The following PDE10A variants were observed in gnomAD, a reference collection of about 807,000 sequenced individuals.
PDE10A encodes the protein cAMP and cAMP-inhibited cGMP 3',5'-cyclic phosphodiesterase 10A.
A neutral mutation model predicts 97.7 loss-of-function variants in PDE10A; 39 were observed. The observed-to-expected ratio is 0.40, with a 90% CI of 0.31 to 0.52. PDE10A has a LOEUF of 0.52. Among genes scored for constraint, PDE10A ranks in the 20% least tolerant of loss-of-function variants. The pLI, the probability that PDE10A is intolerant of heterozygous loss-of-function variation, is 0.56. For synonymous variants in PDE10A, 371 were observed against 376.8 expected, an observed-to-expected ratio of 0.98 and a Z score of 0.18; for missense variants, 731 against 1,047.8, an observed-to-expected ratio of 0.70 and a Z score of 4.17.
At chr6:165,811,194 G>A (rs914350919) in intron 1 of PDE10A, among the ~76,000 whole-genome samples, 12 of 152,200 alleles carry the variant, frequency 7.9e-5, no homozygotes, top group African/African-American at 2.7e-4. Context: ...CTGCACTCCA[G>A]CCTGGGTGAC....
chr6:165,736,381 G>A (rs1792574904), intron 1 of PDE10A, among the ~76,000 whole-genome samples: 1 of 152,152 alleles, frequency 6.6e-6, no homozygotes, highest in African/African-American at 2.4e-5. Flanking sequence ...ATGCATTAAA[G>A]AGGGTAGGAA....
chr6:165,793,135 T>C (rs2128463955), intron 1 of PDE10A, among the ~76,000 whole-genome samples: 1 of 152,248 alleles, frequency 6.6e-6, no homozygotes, highest in Middle Eastern at 3.4e-3. Context: ...GGCCAAGCAT[T>C]GAAACTGGGC....
intron 1 of PDE10A, among the ~76,000 whole-genome samples, chr6:165,855,137 C>G (rs1460690962): frequency 6.6e-6 from 1 of 152,148 alleles, no homozygotes; most frequent in Non-Finnish European, 1.5e-5. Flanking sequence ...GGACTGACCG[C>G]AGACCCGCCC....
intron 20 of PDE10A, among the ~76,000 whole-genome samples, chr6:165,336,448 G>C (rs565581251): frequency 9.9e-5 from 15 of 152,138 alleles, no homozygotes; most frequent in South Asian, 2.1e-4. Flanking sequence ...TATTACAAAG[G>C]TTAATACCTA....
At chr6:165,769,877 A>G (rs1309865438) in intron 1 of PDE10A, among the ~76,000 whole-genome samples, 2 of 152,162 alleles carry the variant, frequency 1.3e-5, no homozygotes, top group Non-Finnish European at 2.9e-5. Flanking sequence ...TAAATTATAC[A>G]ATATAATATC....
chr6:165,503,238 A>G (rs1424479187), intron 2 of PDE10A, among the ~76,000 whole-genome samples: 2 of 152,136 alleles, frequency 1.3e-5, no homozygotes, highest in Non-Finnish European at 2.9e-5. Context: ...TCACAGCCAC[A>G]AACAACTTCA....
intron 1 of PDE10A, among the ~76,000 whole-genome samples, chr6:165,983,420 G>A (rs1056525194): frequency 2.6e-5 from 4 of 152,086 alleles, no homozygotes; most frequent in African/African-American, 9.7e-5. Context: ...TTGGTGGTAG[G>A]GAAGGAGGTG....
In PDE10A at chr6:165,837,967, G is replaced by A. The variant is rs538276622; in HGVS notation, c.-615+149562C>T. Among the ~76,000 whole-genome samples, 76 of 152,294 alleles carry A rather than the reference G, an allele frequency of 5.0e-4. 1 individual carries two copies. Among genetic ancestry groups the A allele is most frequent in the South Asian group, 4.4e-3 (21 of 4,822 alleles). ...CCCAAAGTGCTGGGGTTACAGGCGT[G>A]AGCCACCTATATCTCTCCTGTTTTT... On this transcript the variant is annotated intron_variant, in intron 1 of 19. Coordinates refer to the PDE10A transcript ENST00000366882.
chr6:165,694,954 C>T (rs1377057551), intron 1 of PDE10A, among the ~76,000 whole-genome samples: 1 of 152,168 alleles, frequency 6.6e-6, no homozygotes, highest in Admixed American at 6.5e-5. Context: ...AGGATTTCTC[C>T]TCTCTCCCGC....
intron 15 of PDE10A, 43 bp from the exon 16 acceptor site, chr6:165,392,839 T>C: frequency 6.3e-7 from 1 of 1,590,230 alleles, no homozygotes; most frequent in Non-Finnish European, 8.6e-7. Flanking sequence ...CAGTAGAGAA[T>C]CACTATGTTG....
chr6:165,588,204 TA>T (rs1198106618), intron 1 of PDE10A, among the ~76,000 whole-genome samples: 1 of 151,788 alleles, frequency 6.6e-6, no homozygotes, highest in Non-Finnish European at 1.5e-5. Flanking sequence ...TTTCCCATCT[TA>T]ATATTAGAAA....
chr6:165,815,674 G>T (rs1051484149), intron 1 of PDE10A, among the ~76,000 whole-genome samples: 4 of 152,068 alleles, frequency 2.6e-5, no homozygotes, highest in African/African-American at 4.8e-5. Context: ...TTTTTTTCTG[G>T]TTTTTCCCCC....
At chr6:165,402,801 C>T (rs909535666) in intron 13 of PDE10A, among the ~76,000 whole-genome samples, 45 of 152,118 alleles carry the variant, frequency 3.0e-4, no homozygotes, top group Admixed American at 1.7e-3. Context: ...ACTCAACTGG[C>T]ATACAAAAAT....
At chr6:165,540,632 C>T (rs1442064430) in intron 2 of PDE10A, among the ~76,000 whole-genome samples, 3 of 151,970 alleles carry the variant, frequency 2.0e-5, no homozygotes, top group Admixed American at 2.0e-4. Context: ...TACTTGAGAA[C>T]GGGACTTTCT....
rs1554334699 is a variant in PDE10A, at chr6:165,875,731, G to GTTTTTTTTTGTTTTTTTTTTT, written c.-615+111797_-615+111798insAAAAAAAAAAACAAAAAAAAA. ...CTGATAGGACTTATTTTCTTTTACT[G>GTTTTTTTTTGTTTTTTTTTTT]TTTTTTTTTTTTTTTTGTGTGTGTG... On this transcript the variant is annotated intron_variant, in intron 1 of 19. Transcript: ENST00000366882. Among the ~76,000 whole-genome samples the GTTTTTTTTTGTTTTTTTTTTT allele has an allele frequency of 6.4e-5, 3 of 46,940 alleles. 1 individual carries two copies. The highest frequency in any genetic ancestry group is 1.3e-4 in the Non-Finnish European group (3 of 23,430). The allele number at this position is 46,940 out of a possible 152,430, so 30.8% of individuals were successfully genotyped here. A position where few individuals can be genotyped will look rare whatever the true frequency, so the allele number is the denominator to read the frequency against.
intron 1 of PDE10A, among the ~76,000 whole-genome samples, chr6:165,620,330 G>T (rs780583836): frequency 2.0e-5 from 3 of 152,126 alleles, no homozygotes; most frequent in Admixed American, 1.3e-4. Flanking sequence ...GGTGATGATG[G>T]GGGGGTAGAA....
At chr6:165,923,809 T>A (rs536949710) in intron 1 of PDE10A, among the ~76,000 whole-genome samples, 94 of 152,340 alleles carry the variant, frequency 6.2e-4, no homozygotes, top group Non-Finnish European at 1.1e-3. Context: ...CAAATTTAAC[T>A]GGACATTTGT....
At chr6:165,867,378 T>C (rs535640706) in intron 1 of PDE10A, among the ~76,000 whole-genome samples, 1 of 151,794 alleles carries the variant, frequency 6.6e-6, no homozygotes, top group South Asian at 2.1e-4. Flanking sequence ...TAGCAAAACT[T>C]CTATCAGGCA....
intron 1 of PDE10A, chr6:165,660,581 A>C (rs1319944667): frequency 6.6e-6 from 1 of 152,420 alleles, no homozygotes; most frequent in African/African-American, 2.4e-5. Context: ...CGGGGGCTGC[A>C]CCCCAAAGGT....
Sources: gnomAD v4.1 joint callset for allele counts (sites outside exome capture counted in the v4.1 genomes callset) on GRCh38, gnomAD v4.1.1 for gene constraint, MANE v1.5 for transcripts, NCBI Gene and HGNC (gene_info 2026-07-23, HGNC 2026-07-21) for gene names.